Variants in AKT3 observed in about 807,000 individuals in gnomAD.
The protein encoded by AKT3 is RAC-gamma serine/threonine-protein kinase.
Under a neutral mutation model 65.3 loss-of-function variants are expected in AKT3, and 15 were observed. The observed-to-expected ratio is 0.23, with a 90% CI of 0.15 to 0.35. AKT3 has a LOEUF of 0.35. Among genes scored for constraint, AKT3 ranks in the 10% least tolerant of loss-of-function variants. The pLI, the probability that AKT3 is intolerant of heterozygous loss-of-function variation, is 1.00. For missense variants in AKT3, 243 were observed against 576.5 expected, an observed-to-expected ratio of 0.42 and a Z score of 5.92; for synonymous variants, 206 against 183.8, an observed-to-expected ratio of 1.12 and a Z score of -0.98.
At chr1:243,660,859 A>G (rs1202435998) in intron 4 of AKT3, among the ~76,000 whole-genome samples, 2 of 152,250 alleles carry the variant, frequency 1.3e-5, no homozygotes, top group African/African-American at 4.8e-5. Flanking sequence ...CAACTTCAGC[A>G]AAGTCTCAGG....
chr1:243,735,425 C>T (rs1288882751), intron 2 of AKT3, among the ~76,000 whole-genome samples: 3 of 152,172 alleles, frequency 2.0e-5, no homozygotes, highest in African/African-American at 4.8e-5. Flanking sequence ...CATCATTCTG[C>T]ACCACATGAC....
intron 2 of AKT3, chr1:243,788,807 T>TA (rs1253156336): frequency 2.0e-5 from 3 of 152,368 alleles, no homozygotes; most frequent in African/African-American, 7.2e-5. Flanking sequence ...TGCTGAAGGT[T>TA]AGAGTGGCTG....
In AKT3 at chr1:243,728,205, AT is replaced by A. The variant is rs1261385116; in HGVS notation, c.47-32490del. ...ATAGAAAGCCCCAACAGTATGTAAGATTTTTTGAATCCCTTGCTGTTGCATA... is the reference window on the plus strand; with the variant it reads ...ATAGAAAGCCCCAACAGTATGTAAGATTTTTGAATCCCTTGCTGTTGCATA... On this transcript the variant is annotated intron_variant, in intron 2 of 13. Transcript: ENST00000673466. 4.6e-5 allele frequency among the ~76,000 whole-genome samples: 7 copies of A among 152,180 alleles called. No individual in the cohort carries two copies. The East Asian group carries it at 9.6e-4, about 21-fold the overall frequency.
At chr1:243,709,281 G>A in intron 2 of AKT3, among the ~76,000 whole-genome samples, 1 of 143,198 alleles carries the variant, frequency 7.0e-6, no homozygotes, top group African/African-American at 2.6e-5. Context: ...ACAAAACCTA[G>A]CATTAAAAGA....
intron 6 of AKT3, among the ~76,000 whole-genome samples, chr1:243,635,800 C>T (rs917536781): frequency 6.6e-6 from 1 of 152,038 alleles, no homozygotes; most frequent in Non-Finnish European, 1.5e-5. Context: ...AAAATCATTT[C>T]TTCCCTGATA....
intron 6 of AKT3, chr1:243,625,036 AT>A: frequency 2.8e-6 from 1 of 353,220 alleles, no homozygotes; most frequent in Non-Finnish European, 5.9e-6. Context: ...GCTTCCAGGT[AT>A]TACAGAAAGC....
At chr1:243,844,145 G>A (rs1375458705) in intron 1 of AKT3, among the ~76,000 whole-genome samples, 1 of 152,184 alleles carries the variant, frequency 6.6e-6, no homozygotes, top group Non-Finnish European at 1.5e-5. Flanking sequence ...GATGTGCCAA[G>A]AACTGTTACG....
At chr1:243,668,741 T>A (rs968129922) in intron 3 of AKT3, among the ~76,000 whole-genome samples, 29 of 152,286 alleles carry the variant, frequency 1.9e-4, no homozygotes, top group African/African-American at 6.5e-4. Flanking sequence ...GGCTGTACTT[T>A]AACCAAGTAA....
chr1:243,741,743 T>C (rs1411468638), intron 2 of AKT3: 1 of 152,162 alleles, frequency 6.6e-6, no homozygotes, highest in African/African-American at 2.4e-5. Context: ...CTAGCAGACA[T>C]GATAAAACAT....
intron 2 of AKT3, chr1:243,703,014 TTAAA>T (rs1373613661): frequency 1.3e-5 from 2 of 152,206 alleles, no homozygotes; most frequent in East Asian, 3.8e-4. Context: ...GCAATACTCC[TTAAA>T]TAAAAGTCTT....
chr1:243,790,834 G>A (rs1691588092), intron 2 of AKT3, among the ~76,000 whole-genome samples: 1 of 152,012 alleles, frequency 6.6e-6, no homozygotes, highest in Admixed American at 6.6e-5. Flanking sequence ...GAGAGACAGG[G>A]GTACAGCCAG....
intron 13 of AKT3, among the ~76,000 whole-genome samples, chr1:243,510,529 G>A (rs1669950748): frequency 1.3e-5 from 2 of 152,252 alleles, no homozygotes; most frequent in South Asian, 4.1e-4. Flanking sequence ...GGAATGACAT[G>A]TAAGCTTAGA....
At chr1:243,822,917 C>T (rs1388956415) in intron 2 of AKT3, among the ~76,000 whole-genome samples, 1 of 152,142 alleles carries the variant, frequency 6.6e-6, no homozygotes, top group African/African-American at 2.4e-5. Context: ...GGACTTCTCC[C>T]TAACTTATTT....
At chr1:243,664,433 T>C (rs2147920216) in intron 4 of AKT3, among the ~76,000 whole-genome samples, 1 of 151,990 alleles carries the variant, frequency 6.6e-6, no homozygotes, top group Middle Eastern at 3.4e-3. Context: ...CTCGATCTCC[T>C]GACCTTGTGA....
At chr1:243,787,986 A>G (rs1027020661) in intron 2 of AKT3, among the ~76,000 whole-genome samples, 3 of 152,176 alleles carry the variant, frequency 2.0e-5, no homozygotes, top group Non-Finnish European at 4.4e-5. Context: ...AAGCTTGGAA[A>G]ACCTTGCAAC....
At chr1:243,713,865 C>A (rs1226092232) in intron 2 of AKT3, among the ~76,000 whole-genome samples, 1 of 151,914 alleles carries the variant, frequency 6.6e-6, no homozygotes, top group East Asian at 1.9e-4. Flanking sequence ...GACAGCTCCT[C>A]CCTTAACAAA....
chr1:243,533,976 CG>C (rs1671732177), intron 12 of AKT3, among the ~76,000 whole-genome samples: 1 of 151,962 alleles, frequency 6.6e-6, no homozygotes, highest in African/African-American at 2.4e-5. Context: ...GGCAACAGAG[CG>C]AGACTCCGTT....
chr1:243,791,009 T>A (rs1223775318), intron 2 of AKT3, among the ~76,000 whole-genome samples: 2 of 152,174 alleles, frequency 1.3e-5, no homozygotes, highest in African/African-American at 4.8e-5. Flanking sequence ...CTGCAAGAAT[T>A]ACCCAAAATG....
At chr1:243,755,608 AAAG>A (rs1572285382) in intron 2 of AKT3, among the ~76,000 whole-genome samples, 1 of 152,204 alleles carries the variant, frequency 6.6e-6, no homozygotes, top group African/African-American at 2.4e-5. Context: ...TTATAATTAC[AAAG>A]AAAACTCTCA....
Sources: allele counts gnomAD v4.1 joint callset (sites outside exome capture counted in the v4.1 genomes callset), GRCh38; gene constraint gnomAD v4.1.1; transcripts MANE v1.5; gene names NCBI Gene and HGNC (gene_info 2026-07-23, HGNC 2026-07-21).